The following FYTTD1 variants were observed in gnomAD, a reference collection of about 807,000 sequenced individuals.
FYTTD1 encodes forty-two-three domain containing 1, also known as UAP56-interacting factor.
Under a neutral mutation model 40.9 loss-of-function variants are expected in FYTTD1, and 22 were observed. The ratio of observed to expected loss-of-function variants is 0.54; its 90% confidence interval spans 0.38 to 0.77. FYTTD1 has a LOEUF of 0.77. Ranked by LOEUF, FYTTD1 falls within the 30% of genes least tolerant of loss-of-function variation. The pLI, the probability that FYTTD1 is intolerant of heterozygous loss-of-function variation, is 0.00. For missense variants in FYTTD1, 351 were observed against 392.2 expected, an observed-to-expected ratio of 0.90 and a Z score of 0.89; for synonymous variants, 140 against 137.9, an observed-to-expected ratio of 1.01 and a Z score of -0.10.
rs1044547083 is a variant in FYTTD1 at position 197,756,423 on chromosome 3, T to C, written c.104-3T>C. The C allele has an allele frequency of 8.1e-6, 13 of 1,599,450 alleles. No homozygotes were observed. The highest frequency in any genetic ancestry group is 1.7e-5 in the Admixed American group (1 of 59,950). ...AAAATAATTGACATTTCCTCTATCA[T>C]AGATGATATCATCAAGTTGAATCGA... On this transcript the variant is annotated splice_polypyrimidine_tract_variant and splice_region_variant and intron_variant, in intron 1 of 8. Coordinates refer to ENST00000241502, the MANE Select transcript of FYTTD1 (RefSeq NM_032288.7).
intron 4 of FYTTD1, among the ~76,000 whole-genome samples, chr3:197,772,168 TG>T (rs1729739512): frequency 6.6e-6 from 1 of 152,188 alleles, no homozygotes; most frequent in Admixed American, 6.5e-5. Flanking sequence ...GGGAATCACT[TG>T]ATAGTACCTT....
Position 197,771,708 on chromosome 3 carries a change from C to A in FYTTD1, c.497+1464C>A, listed in dbSNP as rs537644664. On this transcript the variant is annotated intron_variant, in intron 4 of 8. Transcript: ENST00000241502. ...AGGAGAATGGCGTGAACCCGGGAGGCGGAGCTTGCAGTGAGCCGAGATCCC... is the reference window on the plus strand; with the variant it reads ...AGGAGAATGGCGTGAACCCGGGAGGAGGAGCTTGCAGTGAGCCGAGATCCC... Among the ~76,000 whole-genome samples the A allele has an allele frequency of 2.6e-3, 349 of 132,486 alleles. 2 individuals carry two copies. The highest frequency in any genetic ancestry group is 9.0e-3 in the African/African-American group (321 of 35,562). The allele number at this position is 132,486 out of a possible 152,430, so 86.9% of individuals were successfully genotyped here. A position where few individuals can be genotyped will look rare whatever the true frequency, so the allele number is the denominator to read the frequency against.
At chr3:197,752,901 C>T (rs1251292325) in intron 1 of FYTTD1, among the ~76,000 whole-genome samples, 2 of 152,122 alleles carry the variant, frequency 1.3e-5, no homozygotes, top group African/African-American at 2.4e-5. Context: ...ATTCTAGAGC[C>T]TCAAGTTGTT....
intron 1 of FYTTD1, among the ~76,000 whole-genome samples, chr3:197,755,147 T>C (rs914347574): frequency 2.0e-5 from 3 of 152,224 alleles, no homozygotes; most frequent in Admixed American, 2.0e-4. Context: ...GAAAGAAAAA[T>C]AAGGTAACTT....
intron 6 of FYTTD1, among the ~76,000 whole-genome samples, chr3:197,776,516 C>T (rs887030727): frequency 1.9e-4 from 29 of 151,226 alleles, no homozygotes; most frequent in East Asian, 7.7e-4. Context: ...AGCCAGTGCC[C>T]GGCTGCAGCA....
At chr3:197,773,586 G>A (rs1178138910) in intron 5 of FYTTD1, 87 bp downstream of exon 5, 2 of 727,066 alleles carry the variant, frequency 2.8e-6, no homozygotes, top group Non-Finnish European at 4.8e-6. Context: ...GTAAGCCTCA[G>A]TCATAGGCAG....
intron 6 of FYTTD1, among the ~76,000 whole-genome samples, chr3:197,776,646 G>C (rs996990259): frequency 6.6e-6 from 1 of 151,912 alleles, no homozygotes; most frequent in African/African-American, 2.4e-5. Context: ...GAGAATAGTG[G>C]GGTGAGGGAC....
chr3:197,767,059 A>G (rs565512506), intron 2 of FYTTD1, among the ~76,000 whole-genome samples: 4 of 150,658 alleles, frequency 2.7e-5, no homozygotes, highest in African/African-American at 7.3e-5. Context: ...GAACATGTCT[A>G]TTTTTTAATT....
chr3:197,758,190 A>C (rs1729264250), intron 2 of FYTTD1, among the ~76,000 whole-genome samples: 1 of 152,260 alleles, frequency 6.6e-6, no homozygotes, highest in Non-Finnish European at 1.5e-5. Context: ...TGCTGGGATT[A>C]CAGGCGTGAG....
rs1730177380 is a variant in FYTTD1 at position 197,787,426 on chromosome 3, G to A, written c.*5517G>A. 1 of 152,280 alleles carries A rather than the reference G, an allele frequency of 6.6e-6. No homozygotes were observed. The highest frequency in any genetic ancestry group is 6.5e-5 in the Admixed American group (1 of 15,278). The allele number at this position is 152,280 out of a possible 1,614,324, so 9.4% of individuals were successfully genotyped here. On this transcript the variant is annotated 3_prime_UTR_variant, in exon 9 of 9. Transcript: ENST00000241502. Reference sequence around the variant, plus strand: ...GCCTAGAAGTGGAGTCTTAGAAGGAGTGACCATGATATGTTTCTACTGAGT... The same window carrying A: ...GCCTAGAAGTGGAGTCTTAGAAGGAATGACCATGATATGTTTCTACTGAGT...
At chr3:197,768,105 T>C (rs1729605515) in intron 2 of FYTTD1, among the ~76,000 whole-genome samples, 2 of 152,336 alleles carry the variant, frequency 1.3e-5, no homozygotes, top group Non-Finnish European at 1.5e-5. Context: ...TAACTTCAAG[T>C]ACTCAGTAGC....
chr3:197,778,618 T>C (rs1293083369), intron 8 of FYTTD1, among the ~76,000 whole-genome samples, 154 bp downstream of exon 8: 1 of 152,212 alleles, frequency 6.6e-6, no homozygotes, highest in Non-Finnish European at 1.5e-5. Flanking sequence ...ATTTGCCTAT[T>C]TTGACATTTC....
In FYTTD1 at chr3:197,786,494, C is replaced by T. The variant is rs939355449; in HGVS notation, c.*4585C>T. On this transcript the variant is annotated 3_prime_UTR_variant, in exon 9 of 9. Coordinates refer to ENST00000241502, the MANE Select transcript of FYTTD1 (RefSeq NM_032288.7). ...TGATGCCATTCTGGGACTGAAATGT[C>T]GTCTTATGAGTGTATTCAGATGAGG... 3.3e-5 allele frequency: 5 copies of T among 152,160 alleles called. No homozygotes were observed. Among genetic ancestry groups the T allele is most frequent in the Admixed American group, 2.6e-4 (4 of 15,268 alleles). The allele number at this position is 152,160 out of a possible 1,614,324, so 9.4% of individuals were successfully genotyped here. A position where few individuals can be genotyped will look rare whatever the true frequency, so the allele number is the denominator to read the frequency against.
Position 197,784,725 on chromosome 3 carries a change from A to C in FYTTD1, c.*2816A>C, listed in dbSNP as rs947225026. On this transcript the variant is annotated 3_prime_UTR_variant, in exon 9 of 9. Coordinates refer to ENST00000241502, the MANE Select transcript of FYTTD1 (RefSeq NM_032288.7). ...AGAATTGCTTGAATCCAGGAAGCAG[A>C]GATTGCAGTGAGCCGAGACCACGCC... 1.3e-5 allele frequency: 2 copies of C among 152,166 alleles called. No homozygotes were observed. Among genetic ancestry groups the C allele is most frequent in the Admixed American group, 6.6e-5 (1 of 15,260 alleles). 9.4% of individuals were successfully genotyped at this position (152,166 alleles called of 1,614,324 possible).
intron 1 of FYTTD1, among the ~76,000 whole-genome samples, chr3:197,754,788 C>T (rs1729164537): frequency 6.6e-6 from 1 of 151,784 alleles, no homozygotes; most frequent in African/African-American, 2.4e-5. Context: ...CCTCAGCCTC[C>T]TGGGTAGCTG....
At chr3:197,776,828 A>G (rs773870463) in intron 6 of FYTTD1, 99 bp from the exon 7 acceptor site, 8 of 772,426 alleles carry the variant, frequency 1.0e-5, no homozygotes, top group Non-Finnish European at 1.3e-5. Context: ...CAAGCTAAGA[A>G]AAAGTAATGG....
Position 197,750,083 on chromosome 3 carries a change from C to T in FYTTD1, c.103+9C>T. The T allele has an allele frequency of 1.9e-6, 3 of 1,542,552 alleles. No individual in the cohort carries two copies. Among genetic ancestry groups the T allele is most frequent in the East Asian group, 5.3e-5 (2 of 38,006 alleles). On this transcript the variant is annotated intron_variant, in intron 1 of 8. Transcript: ENST00000241502. ...AATAGATATGTCTTTGGGTGAGGGGCCGAGTTGGACCGAGTTGGAGTGCGG... is the reference window on the plus strand; with the variant it reads ...AATAGATATGTCTTTGGGTGAGGGGTCGAGTTGGACCGAGTTGGAGTGCGG...
Position 197,770,264 on chromosome 3 carries a change from A to G in FYTTD1, c.497+20A>G. 6.9e-7 allele frequency: 1 copy of G among 1,439,134 alleles called. No individual in the cohort carries two copies. Among genetic ancestry groups the G allele is most frequent in the Non-Finnish European group, 9.7e-7 (1 of 1,030,464 alleles). The allele number at this position is 1,439,134 out of a possible 1,614,324, so 89.1% of individuals were successfully genotyped here. The stretch of plus-strand genomic sequence containing the variant: ...CAGAAAGTAAGTGCTCAAAAATAAT[A>G]ATGTGTTATTTTGCATTAAAAACAC... On this transcript the variant is annotated intron_variant, in intron 4 of 8. Transcript: ENST00000241502.
chr3:197,773,251 T>C, intron 4 of FYTTD1, 152 bp from the exon 5 acceptor site: 1 of 589,342 alleles, frequency 1.7e-6, no homozygotes, highest in Non-Finnish European at 3.0e-6. Flanking sequence ...CAAATCTCAG[T>C]AGCTTCATGT....
Sources: gnomAD v4.1 joint callset for allele counts (sites outside exome capture counted in the v4.1 genomes callset) on GRCh38, gnomAD v4.1.1 for gene constraint, MANE v1.5 for transcripts, NCBI Gene and HGNC (gene_info 2026-07-23, HGNC 2026-07-21) for gene names.